Variants in LHX4 observed in about 807,000 individuals in gnomAD.
LHX4 encodes the protein LIM/homeobox protein Lhx4.
Under a neutral mutation model 39.2 loss-of-function variants are expected in LHX4, and 16 were observed. That is an observed-to-expected ratio of 0.41 (90% CI 0.28 to 0.62). LHX4 has a LOEUF of 0.62. Ranked by LOEUF, LHX4 falls within the 20% of genes least tolerant of loss-of-function variation. LHX4 has a pLI of 0.33. For synonymous variants in LHX4, 206 were observed against 198.1 expected, an observed-to-expected ratio of 1.04 and a Z score of -0.33; for missense variants, 439 against 511.9, an observed-to-expected ratio of 0.86 and a Z score of 1.37.
chr1:180,271,645 A>C, intron 4 of LHX4, 111 bp downstream of exon 4: 1 of 1,446,398 alleles, frequency 6.9e-7, no homozygotes, highest in Non-Finnish European at 9.7e-7. Flanking sequence ...GCTTGACCCC[A>C]GGGCTTTTGC....
At chr1:180,269,004 C>T (rs938272449) in intron 3 of LHX4, among the ~76,000 whole-genome samples, 4 of 152,086 alleles carry the variant, frequency 2.6e-5, no homozygotes, top group African/African-American at 9.7e-5. Flanking sequence ...TCACTTGTTC[C>T]GTCTCCCTGG....
chr1:180,234,361 G>A lies in LHX4; in HGVS notation c.76+3756G>A, dbSNP rs1489925419. On this transcript the variant is annotated intron_variant, in intron 1 of 5. Coordinates refer to ENST00000263726, the MANE Select transcript of LHX4 (RefSeq NM_033343.4). This position sits in a 1 kb window ranked among gnomAD's most constrained non-coding sequence, Gnocchi z 4.8. ...ATGAGGTCAGCTGTCCCCGCCGGCC[G>A]ATTCGGGCCTGATGGGTTGGGGGTT... Among the ~76,000 whole-genome samples the A allele has an allele frequency of 6.6e-6, 1 of 152,018 alleles. No homozygotes were observed. The highest frequency in any genetic ancestry group is 1.5e-5 in the Non-Finnish European group (1 of 67,964).
intron 1 of LHX4, among the ~76,000 whole-genome samples, chr1:180,243,793 A>T (rs1019282579): frequency 2.0e-5 from 3 of 151,984 alleles, no homozygotes; most frequent in Admixed American, 6.6e-5. Context: ...CCATTTACCC[A>T]GCTGTTAGGG....
intron 2 of LHX4, among the ~76,000 whole-genome samples, chr1:180,258,162 G>T (rs1395157047): frequency 6.6e-6 from 1 of 152,198 alleles, no homozygotes; most frequent in Non-Finnish European, 1.5e-5. Context: ...CAAGAAATAA[G>T]TGCACAGCGC....
rs1419961402 is a variant in LHX4 at position 180,230,697 on chromosome 1, C to G, written c.76+92C>G. The G allele has an allele frequency of 7.9e-7, 1 of 1,263,496 alleles. No individual in the cohort carries two copies. The highest frequency in any genetic ancestry group is 1.1e-6 in the Non-Finnish European group (1 of 876,954). 78.3% of individuals were successfully genotyped at this position (1,263,496 alleles called of 1,614,324 possible). A position where few individuals can be genotyped will look rare whatever the true frequency, so the allele number is the denominator to read the frequency against. ...GGCGGGCCGGACGCCGCTCAGGGGC[C>G]GGGAGGGGCTGGCGGCCGGGGCGCA... On this transcript the variant is annotated intron_variant, in intron 1 of 5. Coordinates refer to ENST00000263726, the MANE Select transcript of LHX4 (RefSeq NM_033343.4). This position sits in a 1 kb window ranked among gnomAD's most constrained non-coding sequence, Gnocchi z 5.8.
chr1:180,229,964 AGG>A (rs370353766), upstream of LHX4, among the ~76,000 whole-genome samples: 196 of 73,448 alleles, frequency 2.7e-3, 4 homozygotes, highest in East Asian at 0.016. Flanking sequence ...GGAGGCGGGG[AGG>A]GGGGGGGGGT....
In LHX4 at chr1:180,274,621, G is replaced by T; in HGVS notation, c.*42G>T. 7 of 1,513,174 alleles carry T rather than the reference G, an allele frequency of 4.6e-6. No individual in the cohort carries two copies. The highest frequency in any genetic ancestry group is 5.3e-6 in the Non-Finnish European group (6 of 1,134,800). 93.7% of individuals were successfully genotyped at this position (1,513,174 alleles called of 1,614,324 possible). A position where few individuals can be genotyped will look rare whatever the true frequency, so the allele number is the denominator to read the frequency against. ...CCCTACCTGCCCCCCTGGCTTGAGA[G>T]AATATCTTCAAGGATCAAAAGAGAC... On this transcript the variant is annotated 3_prime_UTR_variant, in exon 6 of 6. Coordinates refer to ENST00000263726, the MANE Select transcript of LHX4 (RefSeq NM_033343.4).
At chr1:180,242,412 G>A (rs1338834574) in intron 1 of LHX4, among the ~76,000 whole-genome samples, 1 of 151,942 alleles carries the variant, frequency 6.6e-6, no homozygotes, top group Non-Finnish European at 1.5e-5. Flanking sequence ...TTGTGATTGT[G>A]TTTCTCTGTA....
intron 1 of LHX4, among the ~76,000 whole-genome samples, chr1:180,247,116 T>C (rs1647417601): frequency 6.6e-6 from 1 of 152,218 alleles, no homozygotes; most frequent in South Asian, 2.1e-4. Flanking sequence ...GAGATCCTAG[T>C]ACTGTTTGTT....
chr1:180,274,451 A>G lies in LHX4; in HGVS notation c.1045A>G (p.Ser349Gly), dbSNP rs2149268919. Residue 349 changes from serine to glycine, a missense_variant, in exon 6 of 6, where the codon AGC (serine) becomes GGC (glycine). By Grantham distance (56) the Ser-to-Gly change is moderately conservative. Transcript: ENST00000263726. Reference sequence around the variant, plus strand: ...CATTGCGCATGCAGGGCAGGGAGTAAGCCAGACGCTGAGAGCCATGGCTGG... The same window carrying G: ...CATTGCGCATGCAGGGCAGGGAGTAGGCCAGACGCTGAGAGCCATGGCTGG... The part of the protein sequence containing the change: ...GIIAHAGQGV[S>G]QTLRAMAGGP... 6.2e-7 allele frequency: 1 copy of G among 1,614,206 alleles called. No homozygotes were observed.
upstream of LHX4, among the ~76,000 whole-genome samples, chr1:180,229,959 C>CGG (rs1553278089): frequency 4.4e-5 from 1 of 22,758 alleles, no homozygotes; most frequent in South Asian, 2.0e-3. Flanking sequence ...GAGGCGGAGG[C>CGG]GGGGAGGGGG....
At chr1:180,247,129 T>G (rs1402286284) in intron 1 of LHX4, among the ~76,000 whole-genome samples, 2 of 152,200 alleles carry the variant, frequency 1.3e-5, no homozygotes, top group African/African-American at 4.8e-5. Context: ...TGTTTGTTCA[T>G]CCAACCACGG....
Position 180,266,393 on chromosome 1 carries a change from C to G in LHX4, c.250C>G (p.Arg84Gly). The G allele has an allele frequency of 6.2e-7, 1 of 1,614,070 alleles. No individual in the cohort carries two copies. The highest frequency in any genetic ancestry group is 8.5e-7 in the Non-Finnish European group (1 of 1,179,992). ...SVYCKEDFFK[R>G]FGTKCTACQQ... is the part of the protein sequence containing the mutation. ...AATCCTTTCCTGCTGCCCTGACAGG[C>G]GCTTCGGCACAAAATGCACGGCCTG... Residue 84 changes from arginine (R) to glycine (G), a missense_variant and splice_region_variant, in exon 3 of 6, where the codon CGC becomes GGC. Transcript: ENST00000263726. The surrounding 1 kb of genome is among the most constrained non-coding windows in gnomAD (Gnocchi z 5.7).
Position 180,266,377 on chromosome 1 carries a change from C to T in LHX4, c.249-15C>T, listed in dbSNP as rs770462291. The T allele has an allele frequency of 6.2e-7, 1 of 1,613,892 alleles. No individual in the cohort carries two copies. The highest frequency in any genetic ancestry group is 1.1e-5 in the South Asian group (1 of 91,064). ...GCTCCCTGTGTGCCCTAATCCTTTC[C>T]TGCTGCCCTGACAGGCGCTTCGGCA... On this transcript the variant is annotated splice_polypyrimidine_tract_variant and intron_variant, in intron 2 of 5. Coordinates refer to ENST00000263726, the MANE Select transcript of LHX4 (RefSeq NM_033343.4). This position sits in a 1 kb window ranked among gnomAD's most constrained non-coding sequence, Gnocchi z 5.7.
chr1:180,239,081 T>C (rs1347863999), intron 1 of LHX4, among the ~76,000 whole-genome samples: 1 of 152,268 alleles, frequency 6.6e-6, no homozygotes, highest in African/African-American at 2.4e-5. Flanking sequence ...GTTAATTTAA[T>C]TTTAATGTAA....
chr1:180,249,972 TGTGA>T (rs925829543), intron 2 of LHX4, among the ~76,000 whole-genome samples: 20 of 151,932 alleles, frequency 1.3e-4, no homozygotes, highest in South Asian at 4.2e-4. Context: ...GAGTGTTGTG[TGTGA>T]GTGTGAGTGA....
At chr1:180,229,197 G>T (rs1664095460), upstream of LHX4, among the ~76,000 whole-genome samples, 1 of 152,238 alleles carries the variant, frequency 6.6e-6, no homozygotes, top group African/African-American at 2.4e-5. Context: ...CGGCGTCCGT[G>T]TGCTCACTGC....
intron 5 of LHX4, chr1:180,273,232 A>C (rs1648802336): frequency 6.6e-6 from 1 of 152,312 alleles, no homozygotes; most frequent in Admixed American, 6.5e-5. Context: ...ATGCCCTGGG[A>C]GGACTCTAGT....
Position 180,276,649 on chromosome 1 carries a change from C to G in LHX4, c.*2070C>G, listed in dbSNP as rs1036097093. 5 of 152,184 alleles carry G rather than the reference C, an allele frequency of 3.3e-5. No homozygotes were observed. Among genetic ancestry groups the G allele is most frequent in the Non-Finnish European group, 7.3e-5 (5 of 68,042 alleles). The allele number at this position is 152,184 out of a possible 1,614,324, so 9.4% of individuals were successfully genotyped here. On this transcript the variant is annotated 3_prime_UTR_variant, in exon 6 of 6. Coordinates refer to ENST00000263726, the MANE Select transcript of LHX4 (RefSeq NM_033343.4). ...TTTTTGGAGGATGGCTTTTTAAATA[C>G]ACCCTTCTTAGCAGGCTGCTTAAAA...
Sources: gnomAD v4.1 joint callset for allele counts (sites outside exome capture counted in the v4.1 genomes callset) on GRCh38, gnomAD v4.1.1 for gene constraint, Gnocchi (gnomAD v3.1) non-coding constraint, MANE v1.5 for transcripts, NCBI Gene and HGNC (gene_info 2026-07-23, HGNC 2026-07-21) for gene names.